DNAI3: variants seen among roughly 807,000 people sequenced by gnomAD.
DNAI3 encodes the protein dynein axonemal intermediate chain 3.
A neutral mutation model predicts 115.5 loss-of-function variants in DNAI3; 83 were observed. The ratio of observed to expected loss-of-function variants is 0.72; its 90% CI spans 0.60 to 0.86. The LOEUF (loss-of-function observed/expected upper bound fraction) is 0.86. Ranked by LOEUF, DNAI3 falls within the 40% of genes least tolerant of loss-of-function variation. DNAI3 has a pLI of 0.00. For missense variants in DNAI3, 1,004 were observed against 1,075.8 expected, an observed-to-expected ratio of 0.93 and a Z score of 0.93; for synonymous variants, 320 against 347.0, an observed-to-expected ratio of 0.92 and a Z score of 0.86.
At chr1:85,127,598 T>G (rs1244743393) in intron 20 of DNAI3, among the ~76,000 whole-genome samples, 1 of 152,196 alleles carries the variant, frequency 6.6e-6, no homozygotes, top group Non-Finnish European at 1.5e-5. Context: ...GAAATTCTCT[T>G]TCTATCCATT....
intron 16 of DNAI3, among the ~76,000 whole-genome samples, chr1:85,112,100 G>A (rs1161138061): frequency 1.3e-5 from 2 of 151,802 alleles, no homozygotes; most frequent in East Asian, 3.9e-4. Flanking sequence ...CACCCAGGCT[G>A]GCATGGAGGG....
chr1:85,111,719 G>C (rs1044032656), intron 16 of DNAI3, among the ~76,000 whole-genome samples: 1 of 152,142 alleles, frequency 6.6e-6, no homozygotes, highest in Non-Finnish European at 1.5e-5. Context: ...CCTTTATCCA[G>C]TTTATAGGAA....
intron 20 of DNAI3, among the ~76,000 whole-genome samples, chr1:85,127,186 T>TA (rs1351044162): frequency 6.6e-6 from 1 of 152,240 alleles, no homozygotes; most frequent in African/African-American, 2.4e-5. Flanking sequence ...CTCCCCTGGC[T>TA]AATATCAAGC....
intron 4 of DNAI3, among the ~76,000 whole-genome samples, chr1:85,081,706 G>A (rs1416436254): frequency 1.3e-5 from 2 of 152,190 alleles, no homozygotes; most frequent in East Asian, 3.8e-4. Flanking sequence ...CCAGGCTAGA[G>A]ACGCAATCAT....
intron 15 of DNAI3, among the ~76,000 whole-genome samples, chr1:85,109,042 A>G (rs1244707368): frequency 6.6e-6 from 1 of 152,196 alleles, no homozygotes; most frequent in East Asian, 1.9e-4. Context: ...TTCCTTCTGT[A>G]CGTTTTTTGG....
At chr1:85,087,008 T>G (rs554546740) in intron 7 of DNAI3, among the ~76,000 whole-genome samples, 2 of 152,060 alleles carry the variant, frequency 1.3e-5, no homozygotes, top group African/African-American at 4.8e-5. Context: ...CCTCATTCCT[T>G]GATTCACCAC....
intron 1 of DNAI3, among the ~76,000 whole-genome samples, chr1:85,063,012 T>C (rs1386319151): frequency 1.3e-5 from 2 of 152,236 alleles, no homozygotes; most frequent in African/African-American, 4.8e-5. Context: ...CATTGTCTTA[T>C]TCCCCTAGTG....
chr1:85,067,436 C>G (rs1266864818), intron 1 of DNAI3, among the ~76,000 whole-genome samples: 1 of 152,186 alleles, frequency 6.6e-6, no homozygotes, highest in Non-Finnish European at 1.5e-5. Context: ...ACTGGAAACT[C>G]AAATTATCTA....
intron 8 of DNAI3, 94 bp from the exon 9 acceptor site, chr1:85,093,364 A>T: frequency 9.2e-7 from 1 of 1,081,520 alleles, no homozygotes; most frequent in Non-Finnish European, 1.3e-6. Flanking sequence ...TTTTTTGTTC[A>T]GTATAAATGA....
At chr1:85,079,053 A>G (rs1406492933) in intron 3 of DNAI3, among the ~76,000 whole-genome samples, 1 of 152,208 alleles carries the variant, frequency 6.6e-6, no homozygotes, top group Non-Finnish European at 1.5e-5. Flanking sequence ...CCTCTGTTTT[A>G]TTAGGGACAG....
chr1:85,103,929 A>AT (rs1655406292), intron 13 of DNAI3, among the ~76,000 whole-genome samples: 2 of 128,012 alleles, frequency 1.6e-5, no homozygotes, highest in African/African-American at 5.6e-5. Context: ...AATAATAATA[A>AT]TAATTTATGA....
chr1:85,110,739 C>G (rs1352209306), intron 16 of DNAI3, among the ~76,000 whole-genome samples: 1 of 152,038 alleles, frequency 6.6e-6, no homozygotes, highest in Non-Finnish European at 1.5e-5. Flanking sequence ...ATGAAGCCCA[C>G]TTAATGAATG....
At chr1:85,083,321 C>T (rs578215724) in intron 5 of DNAI3, among the ~76,000 whole-genome samples, 25 of 151,904 alleles carry the variant, frequency 1.6e-4, no homozygotes, top group South Asian at 2.1e-4. Flanking sequence ...ACCCTGCCAC[C>T]GCAAAAAATA....
intron 13 of DNAI3, 109 bp from the exon 14 acceptor site, chr1:85,104,415 C>T: frequency 4.3e-6 from 4 of 937,344 alleles, no homozygotes; most frequent in Non-Finnish European, 6.5e-6. Flanking sequence ...GCCACTGCCC[C>T]CGGCCGGTAT....
chr1:85,076,984 A>G (rs900973752), intron 3 of DNAI3, among the ~76,000 whole-genome samples: 13 of 152,178 alleles, frequency 8.5e-5, no homozygotes, highest in African/African-American at 2.9e-4. Flanking sequence ...AAAGCAAGAT[A>G]GACTATCTAC....
At chr1:85,109,665 T>G (rs1309175331) in intron 15 of DNAI3, among the ~76,000 whole-genome samples, 1 of 152,116 alleles carries the variant, frequency 6.6e-6, no homozygotes, top group East Asian at 1.9e-4. Flanking sequence ...AGATGCAAGG[T>G]CCCTGCACAA....
At chr1:85,095,875 G>T in intron 10 of DNAI3, 56 bp from the exon 11 acceptor site, 1 of 1,498,176 alleles carries the variant, frequency 6.7e-7, no homozygotes, top group Non-Finnish European at 9.3e-7. Flanking sequence ...TTATTTTCTC[G>T]CCATGATCTT....
chr1:85,126,545 A>G lies in DNAI3; in HGVS notation c.2147A>G (p.Lys716Arg), dbSNP rs756431614. Residue 716 changes from lysine to arginine, a missense_variant, in exon 20 of 23, where the codon AAA (lysine) becomes AGA (arginine). Physicochemically the swap from Lys to Arg is conservative, Grantham distance 26. Around this residue, in one of 3 missense-constraint regions of DNAI3, gnomAD observed 429 missense variants for 454.3 expected, o/e 0.94. Coordinates refer to ENST00000294664, the MANE Select transcript of DNAI3 (RefSeq NM_145172.5). Reference sequence around the variant, plus strand: ...CTCCTTCAGTCATGCTGTGCACCAAAAAGGTACACCTCAGGCCACTGGTCC... The same window carrying G: ...CTCCTTCAGTCATGCTGTGCACCAAGAAGGTACACCTCAGGCCACTGGTCC... Reference protein sequence around the residue: ...GPLLQSCCAPKRYTSGHWSLT... With the variant: ...GPLLQSCCAPRRYTSGHWSLT... 4.8e-5 allele frequency: 78 copies of G among 1,614,024 alleles called. No individual in the cohort carries two copies. The highest frequency in any genetic ancestry group is 6.2e-5 in the Non-Finnish European group (73 of 1,180,010).
chr1:85,093,564 C>T lies in DNAI3; in HGVS notation c.964C>T (p.Leu322=). The change falls in exon 9 of 23, where the codon CTG becomes TTG. Residue 322 remains leucine (L), a synonymous_variant. Transcript: ENST00000294664. Reference sequence around the variant, plus strand: ...CTTTGGGGACAAGACCGATACCCACCTGAAAGAGTACCAGTCCTTTACCGA... The same window carrying T: ...CTTTGGGGACAAGACCGATACCCACTTGAAAGAGTACCAGTCCTTTACCGA... ...GTFGDKTDTH[L]KEYQSFTDLH... 2 of 1,614,152 alleles carry T rather than the reference C, an allele frequency of 1.2e-6. No homozygotes were observed. Among genetic ancestry groups the T allele is most frequent in the Non-Finnish European group, 1.7e-6 (2 of 1,180,024 alleles).
Sources: gnomAD v4.1 joint callset for allele counts (sites outside exome capture counted in the v4.1 genomes callset) on GRCh38, gnomAD v4.1.1 for gene constraint, gnomAD v4.1.1 regional missense constraint, MANE v1.5 for transcripts, NCBI Gene and HGNC (gene_info 2026-07-23, HGNC 2026-07-21) for gene names.